The following GABRA3 variants were observed in gnomAD, a reference collection of about 807,000 sequenced individuals.
GABRA3 encodes gamma-aminobutyric acid receptor subunit alpha-3.
In GABRA3, 10 loss-of-function variants were observed where a neutral mutation model predicts 30.1. The observed-to-expected ratio is 0.33, with a 90% CI of 0.20 to 0.56. GABRA3 has a LOEUF of 0.56. Ranked by LOEUF, GABRA3 falls within the 20% of genes least tolerant of loss-of-function variation. The pLI is 0.89. For synonymous variants in GABRA3, 151 were observed against 146.8 expected, an observed-to-expected ratio of 1.03 and a Z score of -0.21; for missense variants, 233 against 392.0, an observed-to-expected ratio of 0.59 and a Z score of 3.42.
At chrX:152,281,426 G>A (rs771800640) in intron 4 of GABRA3, among the ~76,000 whole-genome samples, 93 of 111,983 alleles carry the variant, frequency 8.3e-4, no homozygotes, top group African/African-American at 2.9e-3. Flanking sequence ...ATGATGCTTT[G>A]TGTGACCAGC....
intron 3 of GABRA3, among the ~76,000 whole-genome samples, chrX:152,327,728 A>G (rs957173918): frequency 8.9e-6 from 1 of 111,952 alleles, no homozygotes; most frequent in Non-Finnish European, 1.9e-5. Flanking sequence ...TTATAGCACT[A>G]AATGCCCACA....
chrX:152,415,960 T>C (rs940619837), intron 1 of GABRA3, among the ~76,000 whole-genome samples: 1 of 104,515 alleles, frequency 9.6e-6, no homozygotes, highest in Non-Finnish European at 2.0e-5. Flanking sequence ...AATAATTGCA[T>C]GGCCAATTAA....
Position 152,192,307 on chromosome X carries a change from A to G in GABRA3, c.932-2366T>C, listed in dbSNP as rs148485063. On this transcript the variant is annotated intron_variant, in intron 8 of 9. Transcript: ENST00000370314. ...ACCAGTGCTTCTCTTTCAAGACTAG[A>G]AAACATTTCTGAAAAGGCTTAGGTA... 7.9e-4 allele frequency among the ~76,000 whole-genome samples: 88 copies of G among 111,940 alleles called. 1 individual carries two copies. In the East Asian group the frequency reaches 0.024, roughly 30 times the overall value.
At position 152,407,307 on chromosome X, in the gene GABRA3, T is replaced by C. The variant is rs1193423775; in HGVS notation, c.-26-42711A>G. On this transcript the variant is annotated intron_variant, in intron 1 of 9. Transcript: ENST00000370314. ...AAATGAAAACTTGTTTTTAAAAAAA[T>C]AAACAAAATCAACAAATATTTAGCC... 2.7e-5 allele frequency among the ~76,000 whole-genome samples: 3 copies of C among 110,030 alleles called. No homozygotes were observed. The Admixed American group carries it at 2.9e-4, about 11-fold the overall frequency.
intron 3 of GABRA3, among the ~76,000 whole-genome samples, chrX:152,314,389 T>C (rs954190401): frequency 8.9e-6 from 1 of 112,107 alleles, no homozygotes; most frequent in African/African-American, 3.2e-5. Context: ...AAGTTGTCCA[T>C]TTTCTAGAAT....
At chrX:152,375,542 T>G (rs1238866914) in intron 1 of GABRA3, among the ~76,000 whole-genome samples, 1 of 112,188 alleles carries the variant, frequency 8.9e-6, no homozygotes, top group Non-Finnish European at 1.9e-5. Context: ...CTCTTGGACT[T>G]GCCTAGTGTT....
intron 2 of GABRA3, among the ~76,000 whole-genome samples, chrX:152,351,682 C>T (rs985966943): frequency 8.9e-6 from 1 of 111,919 alleles, no homozygotes; most frequent in African/African-American, 3.2e-5. Context: ...ACCTTTCATT[C>T]GCATTGACAA....
chrX:152,360,986 G>T (rs1366397706), intron 2 of GABRA3, among the ~76,000 whole-genome samples: 2 of 106,084 alleles, frequency 1.9e-5, no homozygotes, highest in African/African-American at 6.9e-5. Flanking sequence ...CAGGCAGGAG[G>T]ATCATGTGAT....
chrX:152,288,128 C>A (rs992685049), intron 3 of GABRA3, among the ~76,000 whole-genome samples: 1 of 111,787 alleles, frequency 8.9e-6, no homozygotes, highest in African/African-American at 3.3e-5. Context: ...AGAGAGGGCT[C>A]TGAATTTATG....
At chrX:152,199,717 C>T (rs532278010) in intron 7 of GABRA3, among the ~76,000 whole-genome samples, 4 of 110,586 alleles carry the variant, frequency 3.6e-5, no homozygotes, top group African/African-American at 1.3e-4. Flanking sequence ...TCACTCTCCC[C>T]ATCCCCAACA....
intron 2 of GABRA3, among the ~76,000 whole-genome samples, chrX:152,358,944 T>C (rs1417217119): frequency 8.9e-6 from 1 of 111,739 alleles, no homozygotes; most frequent in African/African-American, 3.3e-5. Flanking sequence ...ATTTTTGATA[T>C]GCTACTGGAT....
At chrX:152,282,642 A>T (rs1255012983) in intron 4 of GABRA3, among the ~76,000 whole-genome samples, 5 of 111,877 alleles carry the variant, frequency 4.5e-5, no homozygotes, top group African/African-American at 1.6e-4. Flanking sequence ...AGAGACATAG[A>T]CAGAAAGTCC....
At chrX:152,311,405 G>A (rs775026908) in intron 3 of GABRA3, among the ~76,000 whole-genome samples, 2 of 112,162 alleles carry the variant, frequency 1.8e-5, no homozygotes. Flanking sequence ...GGTTCAACAT[G>A]TGCAAATTAA....
Position 152,181,889 on chromosome X carries a change from T to C in GABRA3, c.1143+7841A>G, listed in dbSNP as rs1314544118. Among the ~76,000 whole-genome samples the C allele has an allele frequency of 8.1e-5, 9 of 111,267 alleles. No homozygotes were observed. In the East Asian group the frequency reaches 2.0e-3, roughly 24 times the overall value. ...AAAATTTAACTTCTTCCTTTCCAAT[T>C]TGGATGCCCTTTATTTCTTTCTCTT... is the stretch of plus-strand genomic sequence containing the variant. On this transcript the variant is annotated intron_variant, in intron 9 of 9. Transcript: ENST00000370314.
intron 7 of GABRA3, 47 bp from the exon 8 acceptor site, chrX:152,197,832 C>T (rs372274930): frequency 2.7e-5 from 28 of 1,033,345 alleles, no homozygotes; most frequent in Non-Finnish European, 2.3e-5. Flanking sequence ...ATAAACATTG[C>T]TAAATCAAGT....
intron 3 of GABRA3, among the ~76,000 whole-genome samples, chrX:152,311,534 C>G (rs1468242982): frequency 9.0e-6 from 1 of 111,699 alleles, no homozygotes; most frequent in African/African-American, 3.3e-5. Flanking sequence ...ACAAACTAGG[C>G]ATCAAAGACA....
At chrX:152,256,402 A>C (rs191720373) in intron 4 of GABRA3, among the ~76,000 whole-genome samples, 1 of 111,572 alleles carries the variant, frequency 9.0e-6, no homozygotes, top group African/African-American at 3.3e-5. Context: ...AAATCGCCAC[A>C]AAACCAAAAC....
intron 1 of GABRA3, among the ~76,000 whole-genome samples, chrX:152,446,116 C>G (rs777321745): frequency 8.9e-6 from 1 of 112,065 alleles, no homozygotes; most frequent in Non-Finnish European, 1.9e-5. Flanking sequence ...TTGCAAAATG[C>G]GTATGCATCA....
At chrX:152,257,746 G>C (rs1938661119) in intron 4 of GABRA3, among the ~76,000 whole-genome samples, 1 of 112,374 alleles carries the variant, frequency 8.9e-6, no homozygotes, top group Non-Finnish European at 1.9e-5. Context: ...GGGTAAACTA[G>C]ATCAACTTAA....
Sources: gnomAD v4.1 joint callset for allele counts (sites outside exome capture counted in the v4.1 genomes callset) on GRCh38, gnomAD v4.1.1 for gene constraint, MANE v1.5 for transcripts, NCBI Gene and HGNC (gene_info 2026-07-23, HGNC 2026-07-21) for gene names.